The following LEPR variants were observed in gnomAD, a reference collection of about 807,000 sequenced individuals.
LEPR encodes the protein leptin receptor.
A neutral mutation model predicts 114.7 loss-of-function variants in LEPR; 56 were observed. The observed-to-expected ratio is 0.49, with a 90% CI of 0.39 to 0.61. The LOEUF (loss-of-function observed/expected upper bound fraction) is 0.61, where lower values mean the gene tolerates loss of function less well. Among genes scored for constraint, LEPR ranks in the 20% least tolerant of loss-of-function variants. The pLI, the probability that LEPR is intolerant of heterozygous loss-of-function variation, is 0.00. For missense variants in LEPR, 1,202 were observed against 1,352.9 expected, an observed-to-expected ratio of 0.89 and a Z score of 1.75; for synonymous variants, 443 against 461.4, an observed-to-expected ratio of 0.96 and a Z score of 0.51.
At chr1:65,445,638 T>G (rs1226103717) in intron 2 of LEPR, among the ~76,000 whole-genome samples, 1 of 130,976 alleles carries the variant, frequency 7.6e-6, no homozygotes, top group East Asian at 2.0e-4. Context: ...CTGAATAGAG[T>G]TTTTTTTTTT....
In LEPR at chr1:65,633,895, A is replaced by G; in HGVS notation, c.2674-2296A>G. ...ACAGTTCATATCAGGATGACCCTAC[A>G]TACCCAGGTCAGATTGACGGGACCA... On this transcript the variant is annotated intron_variant, in intron 19 of 19. Coordinates refer to ENST00000349533, the MANE Select transcript of LEPR (RefSeq NM_002303.6). The surrounding 1 kb of genome is among the most constrained non-coding windows in gnomAD (Gnocchi z 4.1). 3 of 985,400 alleles carry G rather than the reference A, an allele frequency of 3.0e-6. No homozygotes were observed. The highest frequency in any genetic ancestry group is 3.6e-6 in the Non-Finnish European group (3 of 829,928). The allele number at this position is 985,400 out of a possible 1,614,324, so 61.0% of individuals were successfully genotyped here. A position where few individuals can be genotyped will look rare whatever the true frequency, so the allele number is the denominator to read the frequency against.
intron 1 of LEPR, among the ~76,000 whole-genome samples, chr1:65,421,782 G>A (rs928843385): frequency 6.6e-6 from 1 of 152,148 alleles, no homozygotes; most frequent in Non-Finnish European, 1.5e-5. Flanking sequence ...ATGAAAAGTA[G>A]TGTCTCAGTA....
chr1:65,545,427 T>C (rs1310635449), intron 2 of LEPR, among the ~76,000 whole-genome samples: 2 of 151,580 alleles, frequency 1.3e-5, no homozygotes, highest in Admixed American at 1.3e-4. Context: ...CCACCAACAG[T>C]GTAAAAGTGT....
chr1:65,431,739 AG>A, intron 2 of LEPR: 1 of 1,500,822 alleles, frequency 6.7e-7, no homozygotes. Context: ...AGAAAATAAT[AG>A]GGATTGCAAA....
intron 15 of LEPR, among the ~76,000 whole-genome samples, chr1:65,617,465 A>T (rs1421930808): frequency 6.6e-6 from 1 of 152,236 alleles, no homozygotes; most frequent in African/African-American, 2.4e-5. Context: ...AAAATGAAGA[A>T]AGACCAGGGT....
chr1:65,635,118 C>T lies in LEPR; in HGVS notation c.2674-1073C>T, dbSNP rs531410075. 1,984 of 928,162 alleles carry T rather than the reference C, an allele frequency of 2.1e-3. 4 individuals are homozygous for T. The highest frequency in any genetic ancestry group is 2.4e-3 in the Non-Finnish European group (1,887 of 777,784). 57.5% of individuals were successfully genotyped at this position (928,162 alleles called of 1,614,324 possible). ...TTGTATTGTATATGGAATATGCTTG[C>T]CATTATGAAGAACAGCTGGGTATAC... On this transcript the variant is annotated intron_variant, in intron 19 of 19. Transcript: ENST00000349533.
intron 19 of LEPR, among the ~76,000 whole-genome samples, chr1:65,632,890 T>C (rs1570866658): frequency 6.6e-6 from 1 of 152,120 alleles, no homozygotes; most frequent in African/African-American, 2.4e-5. Context: ...ACCTATTCTG[T>C]TATTTCCCTA....
intron 14 of LEPR, among the ~76,000 whole-genome samples, chr1:65,612,578 A>G (rs1657243723): frequency 6.6e-6 from 1 of 150,586 alleles, no homozygotes; most frequent in Non-Finnish European, 1.5e-5. Context: ...ATTTTGTAGA[A>G]TCTCCATCAA....
At chr1:65,621,212 C>A in intron 17 of LEPR, 141 bp from the exon 18 acceptor site, 1 of 707,280 alleles carries the variant, frequency 1.4e-6, no homozygotes, top group Non-Finnish European at 2.3e-6. Flanking sequence ...ATATTTTTAT[C>A]TTCATTTTTT....
At chr1:65,488,209 T>TC (rs1491581888) in intron 2 of LEPR, among the ~76,000 whole-genome samples, 1 of 38,338 alleles carries the variant, frequency 2.6e-5, no homozygotes, top group African/African-American at 1.0e-4. Context: ...TCTTTCTTTC[T>TC]TTCTCTCTCT....
Position 65,547,021 on chromosome 1 carries a change from T to G in LEPR, c.-20-18525T>G, listed in dbSNP as rs1229770267. Among the ~76,000 whole-genome samples, 5 of 152,266 alleles carry G rather than the reference T, an allele frequency of 3.3e-5. No homozygotes were observed. In the East Asian group the frequency reaches 7.7e-4, roughly 23 times the overall value. ...ATTGAGAGTTTTTAGCATGAAGGGT[T>G]GTTGAATTTTGTCAAAGGCCTTTTC... On this transcript the variant is annotated intron_variant, in intron 2 of 19. Transcript: ENST00000349533.
At chr1:65,432,563 G>GT in intron 2 of LEPR, 1 of 830,122 alleles carries the variant, frequency 1.2e-6, no homozygotes, top group Non-Finnish European at 1.4e-6. Context: ...CTGCTCATTT[G>GT]TTTAAAAAAA....
At chr1:65,431,805 C>G (rs781569458) in intron 2 of LEPR, 6 of 1,611,846 alleles carry the variant, frequency 3.7e-6, no homozygotes, top group Non-Finnish European at 5.1e-6. Flanking sequence ...TCTTTCAGAT[C>G]AAATGGGGAG....
chr1:65,618,198 C>T (rs1387407281), intron 16 of LEPR, 52 bp downstream of exon 16: 2 of 1,511,350 alleles, frequency 1.3e-6, no homozygotes, highest in Non-Finnish European at 1.8e-6. Flanking sequence ...TATGACACTA[C>T]AGATTATTAA....
chr1:65,550,793 G>A (rs1652265116), intron 2 of LEPR, among the ~76,000 whole-genome samples: 1 of 152,142 alleles, frequency 6.6e-6, no homozygotes, highest in African/African-American at 2.4e-5. Flanking sequence ...GCCTTGCCCT[G>A]CTTTGGCTCG....
chr1:65,453,040 C>T (rs1478584532), intron 2 of LEPR, among the ~76,000 whole-genome samples: 2 of 152,200 alleles, frequency 1.3e-5, no homozygotes, highest in Non-Finnish European at 2.9e-5. Context: ...TTATCCATTT[C>T]TTCTAGATTT....
chr1:65,554,966 G>GA (rs1652709523), intron 2 of LEPR, among the ~76,000 whole-genome samples: 1 of 152,044 alleles, frequency 6.6e-6, no homozygotes, highest in Non-Finnish European at 1.5e-5. Flanking sequence ...CTAGGGGAGG[G>GA]AGTTTCTTGA....
intron 2 of LEPR, among the ~76,000 whole-genome samples, chr1:65,532,075 T>C (rs954070576): frequency 6.6e-6 from 1 of 152,244 alleles, no homozygotes; most frequent in Non-Finnish European, 1.5e-5. Flanking sequence ...ATGGGTATTA[T>C]CTCATTAATA....
chr1:65,580,393 A>C (rs1265024067), intron 5 of LEPR, among the ~76,000 whole-genome samples: 2 of 152,250 alleles, frequency 1.3e-5, no homozygotes, highest in East Asian at 1.9e-4. Flanking sequence ...AGAAATTTTC[A>C]AATGCTTCCA....
Sources: allele counts gnomAD v4.1 joint callset (sites outside exome capture counted in the v4.1 genomes callset), GRCh38; gene constraint gnomAD v4.1.1; non-coding constraint Gnocchi (gnomAD v3.1); transcripts MANE v1.5; gene names NCBI Gene and HGNC (gene_info 2026-07-23, HGNC 2026-07-21).